Variants in SLC38A6 observed in about 807,000 individuals in gnomAD.
SLC38A6 encodes the protein N system amino acid transporter NAT-1.
SLC38A6 carries 73 observed loss-of-function variants against 65.0 expected under a neutral mutation model. The observed-to-expected ratio is 1.12, with a 90% CI of 0.93 to 1.37. The LOEUF (loss-of-function observed/expected upper bound fraction) is 1.37. Among genes scored for constraint, SLC38A6 ranks in the 40% most tolerant of loss-of-function variants. The pLI, the probability that SLC38A6 is intolerant of heterozygous loss-of-function variation, is 0.00. For missense variants in SLC38A6, 561 were observed against 531.1 expected (o/e 1.06, Z -0.55); for synonymous variants, 183 against 178.8 (o/e 1.02, Z -0.19).
chr14:61,041,949 C>T (rs2041841642), intron 8 of SLC38A6, among the ~76,000 whole-genome samples: 1 of 151,564 alleles, frequency 6.6e-6, no homozygotes, highest in Non-Finnish European at 1.5e-5. Context: ...ACCCTCACCT[C>T]ATCCTCATCG....
chr14:61,054,773 C>T (rs1219870905), downstream of SLC38A6, among the ~76,000 whole-genome samples: 1 of 151,898 alleles, frequency 6.6e-6, no homozygotes, highest in Non-Finnish European at 1.5e-5. Context: ...TGGGTGGAGA[C>T]CATTCTAGAT....
chr14:60,981,683 C>T (rs1432114108), intron 1 of SLC38A6: 1 of 1,380,014 alleles, frequency 7.2e-7, no homozygotes, highest in Admixed American at 2.2e-5. Flanking sequence ...TATGTACTCA[C>T]TGCTGTTAGT....
At chr14:60,995,143 A>G (rs2038195920) in intron 3 of SLC38A6, among the ~76,000 whole-genome samples, 1 of 152,224 alleles carries the variant, frequency 6.6e-6, no homozygotes, top group Non-Finnish European at 1.5e-5. Flanking sequence ...ACCCAAAGGA[A>G]ATGAAATTGG....
intron 4 of SLC38A6, among the ~76,000 whole-genome samples, chr14:61,017,224 A>G (rs996306419): frequency 2.6e-5 from 4 of 152,162 alleles, no homozygotes; most frequent in Admixed American, 2.6e-4. Context: ...TATTTTTAGT[A>G]GAGACAGATT....
chr14:61,080,341 A>G (rs989801360), intron 16 of SLC38A6, among the ~76,000 whole-genome samples: 1 of 151,836 alleles, frequency 6.6e-6, no homozygotes, highest in Non-Finnish European at 1.5e-5. Context: ...CAGCTGAGGG[A>G]CTCTGTGATG....
At chr14:60,984,680 A>T in intron 2 of SLC38A6, 50 bp from the exon 3 acceptor site, 1 of 1,568,676 alleles carries the variant, frequency 6.4e-7, no homozygotes, top group Non-Finnish European at 8.8e-7. Context: ...GACACCATAC[A>T]AAAGACAAAC....
At chr14:61,055,106 C>CTTTTTTTTT (rs1280245361), downstream of SLC38A6, among the ~76,000 whole-genome samples, 36 of 63,280 alleles carry the variant, frequency 5.7e-4, no homozygotes, top group Admixed American at 1.3e-3. Flanking sequence ...AAGTCTTTTT[C>CTTTTTTTTT]TTTTTTTTTT....
chr14:61,013,328 C>T (rs993974230), intron 3 of SLC38A6, among the ~76,000 whole-genome samples: 3 of 152,250 alleles, frequency 2.0e-5, no homozygotes, highest in Non-Finnish European at 4.4e-5. Flanking sequence ...TGGGTCTTGA[C>T]TCTTTATCCA....
At chr14:60,999,806 A>G (rs1200335498) in intron 3 of SLC38A6, among the ~76,000 whole-genome samples, 3 of 152,244 alleles carry the variant, frequency 2.0e-5, no homozygotes, top group Admixed American at 2.0e-4. Context: ...AGAGACTGCA[A>G]GAGGCAAGGA....
chr14:60,991,715 T>C (rs1252380223), intron 3 of SLC38A6, among the ~76,000 whole-genome samples: 1 of 152,190 alleles, frequency 6.6e-6, no homozygotes, highest in Non-Finnish European at 1.5e-5. Flanking sequence ...GTGAGGTCTT[T>C]TTATACAATC....
intron 3 of SLC38A6, among the ~76,000 whole-genome samples, chr14:60,998,615 C>T (rs186786125): frequency 9.4e-4 from 143 of 152,246 alleles, no homozygotes; most frequent in Admixed American, 2.4e-3. Context: ...AATCTGGGTA[C>T]GAAGAGGGCA....
chr14:61,050,251 C>T (rs973237069), intron 12 of SLC38A6, among the ~76,000 whole-genome samples: 1 of 151,944 alleles, frequency 6.6e-6, no homozygotes, highest in Non-Finnish European at 1.5e-5. Flanking sequence ...GGAAAAGTTC[C>T]AAAGAGATAA....
At chr14:60,993,009 G>A (rs1209719635) in intron 3 of SLC38A6, among the ~76,000 whole-genome samples, 1 of 152,190 alleles carries the variant, frequency 6.6e-6, no homozygotes, top group South Asian at 2.1e-4. Flanking sequence ...ACCACATCCG[G>A]CTGATTTTTG....
At position 61,043,077 on chromosome 14, in the gene SLC38A6, C is replaced by G. The variant is rs2041906459; in HGVS notation, c.625-70C>G. On this transcript the variant is annotated intron_variant, in intron 8 of 15. Transcript: ENST00000267488. Reference sequence around the variant, plus strand: ...CTTATTTAATTGAAATGATACTGACCTATTTCAATTCAGTTTCTTATTAAT... The same window carrying G: ...CTTATTTAATTGAAATGATACTGACGTATTTCAATTCAGTTTCTTATTAAT... The G allele has an allele frequency of 4.2e-6, 4 of 942,466 alleles. 1 individual carries two copies. In the South Asian group the frequency reaches 5.9e-5, roughly 14 times the overall value. The allele number at this position is 942,466 out of a possible 1,614,324, so 58.4% of individuals were successfully genotyped here.
At position 61,082,783 on chromosome 14, in the gene SLC38A6, A is replaced by G. The variant is rs955134258; in HGVS notation, c.1409-772A>G. Reference sequence around the variant, plus strand: ...CATGCCTCTGGGCCTCTGTCCATGCAGCTGCCTCTGCCTGCACTCCAGGAC... The same window carrying G: ...CATGCCTCTGGGCCTCTGTCCATGCGGCTGCCTCTGCCTGCACTCCAGGAC... On this transcript the variant is annotated intron_variant, in intron 16 of 16. Coordinates refer to the SLC38A6 transcript ENST00000354886. Among the ~76,000 whole-genome samples the G allele has an allele frequency of 2.0e-5, 3 of 152,114 alleles. No homozygotes were observed. In the East Asian group the frequency reaches 5.8e-4, roughly 29 times the overall value.
chr14:61,074,315 C>T (rs1416808670), intron 15 of SLC38A6, among the ~76,000 whole-genome samples: 1 of 152,220 alleles, frequency 6.6e-6, no homozygotes, highest in Non-Finnish European at 1.5e-5. Flanking sequence ...GCTCAGGCTA[C>T]TATAACAAAA....
chr14:61,048,784 G>A (rs2042321708), intron 12 of SLC38A6, among the ~76,000 whole-genome samples: 1 of 152,144 alleles, frequency 6.6e-6, no homozygotes, highest in Non-Finnish European at 1.5e-5. Flanking sequence ...CCTCTGGTGA[G>A]CCAGGCCAGT....
intron 4 of SLC38A6, among the ~76,000 whole-genome samples, chr14:61,018,004 A>G (rs144816609): frequency 2.0e-5 from 3 of 152,326 alleles, no homozygotes; most frequent in Admixed American, 1.3e-4. Context: ...ATTGGTATTT[A>G]TTCACCAGAC....
Position 60,985,776 on chromosome 14 carries a change from CCTT to C in SLC38A6, c.310+977_310+979del, listed in dbSNP as rs2037407881. Among the ~76,000 whole-genome samples the C allele has an allele frequency of 3.3e-5, 5 of 152,054 alleles. No homozygotes were observed. In the East Asian group the frequency reaches 9.6e-4, roughly 29 times the overall value. ...CTACAGGCTCTGCAAGAAGCATGGC[CCTT>C]CTTATGAGGGGCTTTTCTGCTCCAT... On this transcript the variant is annotated intron_variant, in intron 3 of 15. Transcript: ENST00000267488.
Sources: allele counts gnomAD v4.1 joint callset (sites outside exome capture counted in the v4.1 genomes callset), GRCh38; gene constraint gnomAD v4.1.1; transcripts MANE v1.5; gene names NCBI Gene and HGNC (gene_info 2026-07-23, HGNC 2026-07-21).